Variants in EXD3 observed in about 807,000 individuals in gnomAD.
EXD3 encodes the protein exonuclease 3'-5' domain containing 3.
Under a neutral mutation model 98.0 loss-of-function variants are expected in EXD3, and 92 were observed. The ratio of observed to expected loss-of-function variants is 0.94; its 90% confidence interval spans 0.79 to 1.12. The LOEUF (loss-of-function observed/expected upper bound fraction) is 1.12. Among genes scored for constraint, EXD3 ranks in the 50% most tolerant of loss-of-function variants. The pLI, the probability that EXD3 is intolerant of heterozygous loss-of-function variation, is 0.00. For missense variants in EXD3, 1,222 were observed against 1,191.6 expected (o/e 1.03, Z -0.38); for synonymous variants, 569 against 526.0 (o/e 1.08, Z -1.12).
chr9:137,408,609 C>G (rs56183481), intron 1 of EXD3, among the ~76,000 whole-genome samples: 12,214 of 151,012 alleles, frequency 0.081, 658 homozygotes, highest in Middle Eastern at 0.22. Context: ...CCCCACACCT[C>G]CCCCCAGCTG....
At chr9:137,392,513 C>G (rs1588412717) in intron 2 of EXD3, 1 of 195,222 alleles carries the variant, frequency 5.1e-6, no homozygotes, top group Non-Finnish European at 1.1e-5. Context: ...TGGGAAGAAG[C>G]TGACCCAGAG....
chr9:137,390,757 G>C (rs1027308733), intron 2 of EXD3, among the ~76,000 whole-genome samples: 1 of 152,202 alleles, frequency 6.6e-6, no homozygotes, highest in Non-Finnish European at 1.5e-5. Context: ...CGCAGCCTTG[G>C]AGGCAGAGAA....
chr9:137,353,355 G>T, intron 10 of EXD3: 1 of 985,338 alleles, frequency 1.0e-6, no homozygotes, highest in Non-Finnish European at 1.2e-6. Context: ...CCAGGAGCCC[G>T]GGCATGTTTT....
intron 17 of EXD3, among the ~76,000 whole-genome samples, chr9:137,327,366 C>T (rs377112969): frequency 1.1e-4 from 16 of 152,212 alleles, no homozygotes; most frequent in African/African-American, 3.6e-4. Flanking sequence ...ACCTCCTGAC[C>T]TTGTGATCCG....
chr9:137,354,150 G>A (rs1328697292), intron 10 of EXD3, 189 bp downstream of exon 10: 8 of 1,426,830 alleles, frequency 5.6e-6, no homozygotes, highest in Non-Finnish European at 7.3e-6. Context: ...CTCGGCTCCC[G>A]CTCAGGCCTC....
At chr9:137,341,104 C>T (rs974746852) in intron 17 of EXD3, among the ~76,000 whole-genome samples, 1 of 152,182 alleles carries the variant, frequency 6.6e-6, no homozygotes, top group Non-Finnish European at 1.5e-5. Flanking sequence ...TCGCTCGAGG[C>T]CAGGAGTTCA....
chr9:137,368,995 G>A (rs1390326847), intron 5 of EXD3, among the ~76,000 whole-genome samples: 14 of 148,002 alleles, frequency 9.5e-5, no homozygotes, highest in African/African-American at 3.0e-4. Flanking sequence ...TGCCCGGGGC[G>A]GGGTGGGGGG....
intron 17 of EXD3, among the ~76,000 whole-genome samples, chr9:137,336,526 T>A (rs1833359608): frequency 6.6e-6 from 1 of 151,976 alleles, no homozygotes; most frequent in Non-Finnish European, 1.5e-5. Context: ...CTGGGTGTGG[T>A]GCTGGGTGCC....
rs1481372074 is a variant in EXD3, at chr9:137,360,318, T to C, written c.657-3950A>G. On this transcript the variant is annotated intron_variant, in intron 7 of 21. Coordinates refer to ENST00000340951, the MANE Select transcript of EXD3 (RefSeq NM_017820.5). ...TCTGGATACAGTCTTTTGTAAAATATGTACTGTAAATAATCTTCTCTTGGT... is the reference window on the plus strand; with the variant it reads ...TCTGGATACAGTCTTTTGTAAAATACGTACTGTAAATAATCTTCTCTTGGT... 8.1e-5 allele frequency among the ~76,000 whole-genome samples: 7 copies of C among 86,392 alleles called. 3 individuals carry two copies. The highest frequency in any genetic ancestry group is 2.2e-4 in the African/African-American group (7 of 31,186). The allele number at this position is 86,392 out of a possible 152,430, so 56.7% of individuals were successfully genotyped here.
chr9:137,327,385 G>A (rs921236600), intron 17 of EXD3, among the ~76,000 whole-genome samples: 10 of 151,992 alleles, frequency 6.6e-5, no homozygotes, highest in African/African-American at 2.2e-4. Context: ...CGCCCGCGTC[G>A]GCCTCCCAAA....
rs1837179917 is a variant in EXD3 at position 137,395,657 on chromosome 9, G to A, written c.-47-253C>T. 6.6e-6 allele frequency among the ~76,000 whole-genome samples: 1 copy of A among 152,118 alleles called. No individual in the cohort carries two copies. The highest frequency in any genetic ancestry group is 1.5e-5 in the Non-Finnish European group (1 of 67,984). ...CTTTCAGCAGGGAGGGCAGGGGGTG[G>A]GAGGGGCCCTGGGGGGGGGCACAGT... On this transcript the variant is annotated intron_variant, in intron 1 of 21. Coordinates refer to ENST00000340951, the MANE Select transcript of EXD3 (RefSeq NM_017820.5). The surrounding 1 kb of genome is among the most constrained non-coding windows in gnomAD (Gnocchi z 6.5).
rs769385643 is a variant in EXD3, at chr9:137,328,610, G to GA, written c.1999-4468_1999-4467insT. On this transcript the variant is annotated intron_variant, in intron 17 of 21. Coordinates refer to ENST00000340951, the MANE Select transcript of EXD3 (RefSeq NM_017820.5). ...CACGGGACTACACGGGACTACACGG[G>GA]GCTACACGGGACTACACGGGACTAC... Among the ~76,000 whole-genome samples, 115 of 88,942 alleles carry GA rather than the reference G, an allele frequency of 1.3e-3. 4 individuals are homozygous for GA. Among genetic ancestry groups the GA allele is most frequent in the African/African-American group, 7.5e-3 (102 of 13,602 alleles). 58.3% of individuals were successfully genotyped at this position (88,942 alleles called of 152,430 possible). A position where few individuals can be genotyped will look rare whatever the true frequency, so the allele number is the denominator to read the frequency against.
chr9:137,319,567 T>G (rs533594780), intron 19 of EXD3, among the ~76,000 whole-genome samples: 2 of 152,228 alleles, frequency 1.3e-5, no homozygotes, highest in South Asian at 4.1e-4. Flanking sequence ...AGGAAGAACT[T>G]TCTAGAGCAC....
rs1564508406 is a variant in EXD3 at position 137,355,520 on chromosome 9, A to T, written c.758-747T>A. Among the ~76,000 whole-genome samples the T allele has an allele frequency of 4.5e-4, 17 of 37,692 alleles. 1 individual carries two copies. The highest frequency in any genetic ancestry group is 1.7e-3 in the African/African-American group (13 of 7,874). The allele number at this position is 37,692 out of a possible 152,430, so 24.7% of individuals were successfully genotyped here. ...AGGAAGGAGGAAGGAGGAAGGAGGA[A>T]GGAGGATGGAGGAAGGAGGAAGGAG... On this transcript the variant is annotated intron_variant, in intron 8 of 21. Transcript: ENST00000340951.
chr9:137,370,208 C>T (rs1329469586), intron 5 of EXD3, among the ~76,000 whole-genome samples: 1 of 152,190 alleles, frequency 6.6e-6, no homozygotes, highest in African/African-American at 2.4e-5. Context: ...GCCCTGCTGG[C>T]CCTTTCACTG....
intron 3 of EXD3, among the ~76,000 whole-genome samples, chr9:137,377,554 G>A (rs563703918): frequency 2.6e-5 from 4 of 151,744 alleles, no homozygotes; most frequent in African/African-American, 7.2e-5. Context: ...TGGGAGGATC[G>A]CTTGAGGTCA....
In EXD3 at chr9:137,328,614, A is replaced by G. The variant is rs968674891; in HGVS notation, c.1999-4471T>C. Among the ~76,000 whole-genome samples, 139 of 83,384 alleles carry G rather than the reference A, an allele frequency of 1.7e-3. 8 individuals carry two copies. Among genetic ancestry groups the G allele is most frequent in the African/African-American group, 9.1e-3 (130 of 14,342 alleles). The allele number at this position is 83,384 out of a possible 152,430, so 54.7% of individuals were successfully genotyped here. Reference sequence around the variant, plus strand: ...GGACTACACGGGACTACACGGGGCTACACGGGACTACACGGGACTACACGG... The same window carrying G: ...GGACTACACGGGACTACACGGGGCTGCACGGGACTACACGGGACTACACGG... On this transcript the variant is annotated intron_variant, in intron 17 of 21. Coordinates refer to ENST00000340951, the MANE Select transcript of EXD3 (RefSeq NM_017820.5).
Position 137,352,199 on chromosome 9 carries a change from G to A in EXD3, c.1040C>T (p.Ala347Val), listed in dbSNP as rs577049845. ...ELRRFRLQGR[A>V]TEADSRLEVK... ...CTCCAGCCTCGAGTCAGCCTCAGTC[G>A]CCCTGGGAGGAGCAGAGCTGGTAGC... The change falls in exon 12 of 22, where the codon GCG becomes GTG. Residue 347 changes from alanine (A) to valine (V), a missense_variant and splice_region_variant. Transcript: ENST00000340951. 1.1e-5 allele frequency: 18 copies of A among 1,612,560 alleles called. No individual in the cohort carries two copies. The highest frequency in any genetic ancestry group is 1.7e-4 in the Middle Eastern group (1 of 6,054).
intron 17 of EXD3, among the ~76,000 whole-genome samples, chr9:137,328,576 C>T (rs1189848094): frequency 1.3e-4 from 18 of 143,602 alleles, no homozygotes; most frequent in Non-Finnish European, 2.1e-4. Context: ...ACTAGTTACA[C>T]AGGAGCTACA....
Sources: allele counts gnomAD v4.1 joint callset (sites outside exome capture counted in the v4.1 genomes callset), GRCh38; gene constraint gnomAD v4.1.1; non-coding constraint Gnocchi (gnomAD v3.1); transcripts MANE v1.5; gene names NCBI Gene and HGNC (gene_info 2026-07-23, HGNC 2026-07-21).